C10orf105: variants seen among roughly 807,000 people sequenced by gnomAD.
C10orf105 encodes chromosome 10 open reading frame 105.
Under a neutral mutation model 0.6 loss-of-function variants are expected in C10orf105, and 2 were observed. The observed-to-expected ratio is 3.18, with a 90% CI of 1.30 to 10.01. The LOEUF is 10.01. Among genes scored for constraint, C10orf105 ranks in the 30% most tolerant of loss-of-function variants. The pLI, the probability that C10orf105 is intolerant of heterozygous loss-of-function variation, is 0.04. For synonymous variants in C10orf105, 95 were observed against 82.4 expected (o/e 1.15, Z -0.83); for missense variants, 209 against 191.4 (o/e 1.09, Z -0.54).
At chr10:71,720,317 G>A (rs977186897), upstream of C10orf105, among the ~76,000 whole-genome samples, 6 of 152,170 alleles carry the variant, frequency 3.9e-5, no homozygotes, top group Non-Finnish European at 8.8e-5. Flanking sequence ...TCAAAGGTCA[G>A]GGGGATCCCA....
intron 1 of C10orf105, among the ~76,000 whole-genome samples, chr10:71,724,806 CA>C (rs914686691): frequency 6.6e-6 from 1 of 152,214 alleles, no homozygotes; most frequent in African/African-American, 2.4e-5. Context: ...CTGATCCTCC[CA>C]CTTCTCGAAT....
chr10:71,724,892 G>A (rs764840793), intron 1 of C10orf105, among the ~76,000 whole-genome samples: 10 of 152,208 alleles, frequency 6.6e-5, no homozygotes, highest in Non-Finnish European at 1.3e-4. Context: ...AAAAATCAGG[G>A]TGCTGTGCCC....
intron 1 of C10orf105, among the ~76,000 whole-genome samples, chr10:71,737,364 C>A (rs946818587): frequency 2.0e-5 from 3 of 152,236 alleles, no homozygotes; most frequent in African/African-American, 7.2e-5. Context: ...GCTTGAATAA[C>A]TTTTTCCAAA....
intron 1 of C10orf105, among the ~76,000 whole-genome samples, chr10:71,718,731 A>G (rs1021091697): frequency 2.6e-5 from 4 of 152,346 alleles, no homozygotes; most frequent in African/African-American, 9.6e-5. Flanking sequence ...TGGGCTAGCA[A>G]ATAGGATCCA....
At position 71,712,726 on chromosome 10, in the gene C10orf105, T is replaced by A; in HGVS notation, c.*3210A>T. ...CCACCGTGTTCGTCACTGTCCTGGA[T>A]GTGAATGACAACCGGCCCATCTTTC... On this transcript the variant is annotated 3_prime_UTR_variant, in exon 2 of 2. Coordinates refer to ENST00000441508, the MANE Select transcript of C10orf105 (RefSeq NM_001164375.3). The A allele has an allele frequency of 6.2e-7, 1 of 1,613,732 alleles. No homozygotes were observed. Among genetic ancestry groups the A allele is most frequent in the Non-Finnish European group, 8.5e-7 (1 of 1,179,870 alleles).
At chr10:71,734,722 T>A in intron 1 of C10orf105, 1 of 1,099,432 alleles carries the variant, frequency 9.1e-7, no homozygotes, top group Non-Finnish European at 1.3e-6. Flanking sequence ...GGCCGGGCTC[T>A]GCCTGGCCCT....
intron 1 of C10orf105, chr10:71,730,653 T>C: frequency 6.2e-7 from 1 of 1,607,548 alleles, no homozygotes; most frequent in Non-Finnish European, 8.5e-7. Context: ...AGAGCAAACC[T>C]CCCCAGCTCA....
chr10:71,728,844 C>A lies in C10orf105; in HGVS notation c.-6+8884G>T, dbSNP rs546242728. Among the ~76,000 whole-genome samples the A allele has an allele frequency of 1.5e-3, 230 of 152,270 alleles. 1 individual carries two copies. The highest frequency in any genetic ancestry group is 5.0e-3 in the African/African-American group (208 of 41,550). ...TCAGCCTCCCTAGTAGCTGGGATTACAGATGCATGTCACCACCCCCGGCTA... is the reference window on the plus strand; with the variant it reads ...TCAGCCTCCCTAGTAGCTGGGATTAAAGATGCATGTCACCACCCCCGGCTA... On this transcript the variant is annotated intron_variant, in intron 1 of 1. Coordinates refer to the C10orf105 transcript ENST00000398786.
At position 71,725,403 on chromosome 10, in the gene C10orf105, C is replaced by A. The variant is rs1866762865; in HGVS notation, c.-5-9061G>T. 6.2e-7 allele frequency: 1 copy of A among 1,614,070 alleles called. No homozygotes were observed. Among genetic ancestry groups the A allele is most frequent in the Non-Finnish European group, 8.5e-7 (1 of 1,179,908 alleles). ...ATGGCAACAACTTCCGGATCCATGT[C>A]AGCAATGGGCTCCTGATGCGAGGGC... On this transcript the variant is annotated intron_variant, in intron 1 of 1. Coordinates refer to the C10orf105 transcript ENST00000398786.
intron 1 of C10orf105, among the ~76,000 whole-genome samples, chr10:71,735,386 G>A (rs1839535221): frequency 6.6e-6 from 1 of 152,220 alleles, no homozygotes; most frequent in Non-Finnish European, 1.5e-5. Flanking sequence ...CCTAGAAGAG[G>A]CGGCCCGGCC....
intron 1 of C10orf105, chr10:71,734,247 T>C: frequency 6.2e-7 from 1 of 1,609,772 alleles, no homozygotes; most frequent in Non-Finnish European, 8.5e-7. Context: ...CAGGGTGTGA[T>C]CACAGTCCAG....
chr10:71,737,781 C>G (rs574760111), exon 1 of C10orf105: 16 of 468,770 alleles, frequency 3.4e-5, no homozygotes, highest in Non-Finnish European at 5.3e-5. Context: ...AGGCCTCACC[C>G]GCGGCAGGCC....
chr10:71,720,664 C>T (rs1456487283), upstream of C10orf105, among the ~76,000 whole-genome samples: 2 of 152,232 alleles, frequency 1.3e-5, no homozygotes, highest in African/African-American at 4.8e-5. Flanking sequence ...TAGCTGTTCC[C>T]TCCTGCCCTT....
At chr10:71,736,633 C>T (rs1747271161) in intron 1 of C10orf105, among the ~76,000 whole-genome samples, 2 of 152,184 alleles carry the variant, frequency 1.3e-5, no homozygotes, top group Admixed American at 1.3e-4. Flanking sequence ...GGCCAACCCC[C>T]TTCCACTGGG....
chr10:71,727,355 C>A (rs1173934643), intron 1 of C10orf105, among the ~76,000 whole-genome samples: 1 of 152,208 alleles, frequency 6.6e-6, no homozygotes, highest in Non-Finnish European at 1.5e-5. Flanking sequence ...GCCTCATCCC[C>A]ACAGGGTAAT....
At chr10:71,729,281 A>T (rs1400247549) in intron 1 of C10orf105, among the ~76,000 whole-genome samples, 1 of 152,238 alleles carries the variant, frequency 6.6e-6, no homozygotes, top group Non-Finnish European at 1.5e-5. Flanking sequence ...GGGCCTCAGA[A>T]GCAAACCCTG....
In C10orf105 at chr10:71,730,735, G is replaced by A. The variant is rs1839349128; in HGVS notation, c.-6+6993C>T. 4 of 1,331,158 alleles carry A rather than the reference G, an allele frequency of 3.0e-6. No individual in the cohort carries two copies. The Admixed American group carries it at 6.1e-5, about 20-fold the overall frequency. The allele number at this position is 1,331,158 out of a possible 1,614,324, so 82.5% of individuals were successfully genotyped here. A position where few individuals can be genotyped will look rare whatever the true frequency, so the allele number is the denominator to read the frequency against. On this transcript the variant is annotated intron_variant, in intron 1 of 1. Coordinates refer to the C10orf105 transcript ENST00000398786. ...CATTTAGCCATGTCTAGGCCAGGGA[G>A]GGGCTGCTGGGATGGTCTTGATCAC...
intron 1 of C10orf105, chr10:71,734,189 G>T (rs1377823822): frequency 6.8e-7 from 1 of 1,474,678 alleles, no homozygotes; most frequent in East Asian, 2.4e-5. Flanking sequence ...AATGACCAGG[G>T]TTAACAAGGG....
intron 1 of C10orf105, among the ~76,000 whole-genome samples, chr10:71,727,432 C>T (rs1866865440): frequency 6.6e-6 from 1 of 152,230 alleles, no homozygotes; most frequent in South Asian, 2.1e-4. Flanking sequence ...TACACAGCCT[C>T]CACACCCATG....
Sources: allele counts gnomAD v4.1 joint callset (sites outside exome capture counted in the v4.1 genomes callset), GRCh38; gene constraint gnomAD v4.1.1; transcripts MANE v1.5; gene names NCBI Gene and HGNC (gene_info 2026-07-23, HGNC 2026-07-21).